Variants in TENM3 observed in about 807,000 individuals in gnomAD.
TENM3 encodes teneurin transmembrane protein 3, also known as teneurin-3.
In TENM3, 63 loss-of-function variants were observed where a neutral mutation model predicts 255.1. The observed-to-expected ratio is 0.25, with a 90% CI of 0.20 to 0.30. The LOEUF is 0.30. TENM3 is among the 10% of genes least tolerant of loss of function. The pLI is 1.00. For missense variants in TENM3, 2,929 were observed against 3,461.1 expected, an observed-to-expected ratio of 0.85 and a Z score of 3.86; for synonymous variants, 1,306 against 1,322.3, an observed-to-expected ratio of 0.99 and a Z score of 0.27.
the TENM3 span, among the ~76,000 whole-genome samples, chr4:181,796,505 T>C: frequency 2.0e-5 from 3 of 152,184 alleles, no homozygotes; most frequent in Admixed American, 1.3e-4. Flanking sequence ...GGCCTGAAGA[T>C]CTTCAAGGCA....
the TENM3 span, among the ~76,000 whole-genome samples, chr4:181,860,921 T>TAAAAAA: frequency 6.6e-6 from 1 of 152,156 alleles, no homozygotes; most frequent in Non-Finnish European, 1.5e-5. Flanking sequence ...CCTTGCTTAA[T>TAAAAAA]AAAAAGTATA....
the TENM3 span, among the ~76,000 whole-genome samples, chr4:181,509,550 G>T: frequency 6.6e-6 from 1 of 152,116 alleles, no homozygotes; most frequent in Non-Finnish European, 1.5e-5. Flanking sequence ...ACTGTTTATA[G>T]ATTCCATCCA....
intron 1 of TENM3, among the ~76,000 whole-genome samples, chr4:182,257,891 A>G (rs1227011694): frequency 1.3e-5 from 2 of 152,172 alleles, no homozygotes; most frequent in African/African-American, 4.8e-5. Context: ...AGAATTTGCC[A>G]TTTATATCAT....
the TENM3 span, among the ~76,000 whole-genome samples, chr4:181,529,564 G>A: frequency 6.6e-5 from 10 of 152,122 alleles, no homozygotes; most frequent in East Asian, 1.2e-3. Context: ...TGGGGTGGGG[G>A]GTTGTTATTC....
At chr4:182,433,250 AGCAG>A (rs1771795239) in intron 3 of TENM3, among the ~76,000 whole-genome samples, 1 of 152,108 alleles carries the variant, frequency 6.6e-6, no homozygotes, top group Non-Finnish European at 1.5e-5. Context: ...TATTTTCCTG[AGCAG>A]TTAAGTGGAT....
chr4:182,561,845 A>T (rs998954999), intron 3 of TENM3, among the ~76,000 whole-genome samples: 1 of 152,100 alleles, frequency 6.6e-6, no homozygotes, highest in African/African-American at 2.4e-5. Context: ...AGTATATATT[A>T]TGTTGGTGAA....
the TENM3 span, among the ~76,000 whole-genome samples, chr4:181,835,740 G>A: frequency 1.3e-5 from 2 of 152,054 alleles, no homozygotes; most frequent in Non-Finnish European, 2.9e-5. Context: ...TTTAGTTATC[G>A]GCAGTAAGAC....
the TENM3 span, among the ~76,000 whole-genome samples, chr4:181,607,413 A>ATTTT: frequency 6.8e-5 from 10 of 147,546 alleles, no homozygotes; most frequent in Non-Finnish European, 6.0e-5. Context: ...TTGGCATTTA[A>ATTTT]TTTTTTTTTT....
the TENM3 span, among the ~76,000 whole-genome samples, chr4:182,061,462 A>C: frequency 6.6e-6 from 1 of 152,138 alleles, no homozygotes; most frequent in African/African-American, 2.4e-5. Flanking sequence ...AATTTCATAC[A>C]TCAGTTTTGA....
chr4:181,927,627 G>C, the TENM3 span, among the ~76,000 whole-genome samples: 4 of 152,212 alleles, frequency 2.6e-5, no homozygotes, highest in African/African-American at 9.6e-5. Flanking sequence ...CTGCCTGCCT[G>C]CTCCGAAGAG....
At position 182,655,902 on chromosome 4, in the gene TENM3, C is replaced by T. The variant is rs185155695; in HGVS notation, c.1111+2009C>T. ...TTATCCTTGCCTTGTAAAATGCATC[C>T]TGGGATTTTCCATTTTATTTTATTG... is the stretch of plus-strand genomic sequence containing the variant. On this transcript the variant is annotated intron_variant, in intron 6 of 27. Coordinates refer to ENST00000511685, the MANE Select transcript of TENM3 (RefSeq NM_001080477.4). 3.3e-3 allele frequency among the ~76,000 whole-genome samples: 495 copies of T among 152,192 alleles called. 2 individuals carry two copies. The highest frequency in any genetic ancestry group is 0.011 in the African/African-American group (463 of 41,520).
chr4:182,510,850 G>C (rs911251435), intron 3 of TENM3, among the ~76,000 whole-genome samples: 12 of 152,144 alleles, frequency 7.9e-5, no homozygotes, highest in South Asian at 4.2e-4. Context: ...CATGGGATCT[G>C]AGCGCATCCT....
At chr4:181,653,919 C>T in the TENM3 span, among the ~76,000 whole-genome samples, 2 of 151,722 alleles carry the variant, frequency 1.3e-5, no homozygotes, top group Non-Finnish European at 1.5e-5. Context: ...TGTGTCCATG[C>T]GTTCTCACAG....
the TENM3 span, among the ~76,000 whole-genome samples, chr4:181,756,354 A>G: frequency 6.6e-6 from 1 of 152,198 alleles, no homozygotes; most frequent in Non-Finnish European, 1.5e-5. Flanking sequence ...CAATTTCAGT[A>G]TTATTGTTTT....
the TENM3 span, among the ~76,000 whole-genome samples, chr4:181,644,950 C>T: frequency 1.3e-5 from 2 of 151,976 alleles, no homozygotes; most frequent in African/African-American, 4.8e-5. Context: ...GCTGGTAAGA[C>T]TCAAAAGGTT....
chr4:182,531,254 AT>A (rs1257774785), intron 3 of TENM3, among the ~76,000 whole-genome samples: 1 of 152,224 alleles, frequency 6.6e-6, no homozygotes, highest in Non-Finnish European at 1.5e-5. Context: ...AATAACTGAA[AT>A]TAATTTTAGC....
the TENM3 span, among the ~76,000 whole-genome samples, chr4:181,673,064 A>G: frequency 1.3e-5 from 2 of 152,166 alleles, no homozygotes; most frequent in Non-Finnish European, 2.9e-5. Context: ...AAAAGTAAAA[A>G]AGCTAGAACT....
At chr4:182,008,299 T>C in the TENM3 span, among the ~76,000 whole-genome samples, 1 of 152,294 alleles carries the variant, frequency 6.6e-6, no homozygotes, top group African/African-American at 2.4e-5. Flanking sequence ...GCTGGCGAAG[T>C]TCTCCTGGAT....
the TENM3 span, among the ~76,000 whole-genome samples, chr4:181,535,957 C>T: frequency 1.3e-5 from 2 of 152,090 alleles, no homozygotes; most frequent in Non-Finnish European, 2.9e-5. Context: ...TAGTCCTCAA[C>T]TTTGGATTTT....
Sources: gnomAD v4.1 joint callset for allele counts (sites outside exome capture counted in the v4.1 genomes callset) on GRCh38, gnomAD v4.1.1 for gene constraint, MANE v1.5 for transcripts, NCBI Gene and HGNC (gene_info 2026-07-23, HGNC 2026-07-21) for gene names.